Variants in SYT1 observed in about 807,000 individuals in gnomAD.
The protein encoded by SYT1 is synaptotagmin-1.
Under a neutral mutation model 44.8 loss-of-function variants are expected in SYT1, and 8 were observed. The observed-to-expected ratio is 0.18, with a 90% CI of 0.10 to 0.32. SYT1 has a LOEUF of 0.32. Ranked by LOEUF, SYT1 falls within the 10% of genes least tolerant of loss-of-function variation. The probability of loss-of-function intolerance (pLI) is 1.00; values close to 1 mark genes in which losing one functional copy is unlikely to be tolerated. For synonymous variants in SYT1, 154 were observed against 188.8 expected, an observed-to-expected ratio of 0.82 and a Z score of 1.51; for missense variants, 286 against 509.3, an observed-to-expected ratio of 0.56 and a Z score of 4.22.
chr12:79,442,897 T>A (rs1292241881), intron 9 of SYT1, among the ~76,000 whole-genome samples: 1 of 151,656 alleles, frequency 6.6e-6, no homozygotes, highest in African/African-American at 2.4e-5. Context: ...AGATTTAAAT[T>A]TTTTTTTCTT....
At chr12:78,906,962 T>C (rs996582481) in intron 1 of SYT1, among the ~76,000 whole-genome samples, 1 of 152,152 alleles carries the variant, frequency 6.6e-6, no homozygotes, top group African/African-American at 2.4e-5. Context: ...TAATAATACC[T>C]ACTGCTATAA....
chr12:79,245,680 C>T (rs1245815), intron 4 of SYT1, among the ~76,000 whole-genome samples: 105,369 of 151,170 alleles, frequency 0.7, 37,094 homozygotes, highest in African/African-American at 0.75. Flanking sequence ...GGGAGCAACT[C>T]AGGGGAAATC....
intron 4 of SYT1, among the ~76,000 whole-genome samples, chr12:79,242,691 T>G (rs1876583260): frequency 6.6e-6 from 1 of 152,200 alleles, no homozygotes. Context: ...GATTCAAAAC[T>G]TAGCCAAAAC....
intron 9 of SYT1, among the ~76,000 whole-genome samples, chr12:79,363,779 C>T (rs1462083861): frequency 6.6e-6 from 1 of 151,592 alleles, no homozygotes; most frequent in East Asian, 1.9e-4. Flanking sequence ...CTTCTGCTTC[C>T]AAAAGTATAT....
intron 4 of SYT1, among the ~76,000 whole-genome samples, chr12:79,249,120 C>A (rs1358117848): frequency 5.1e-4 from 6 of 11,678 alleles, no homozygotes; most frequent in South Asian, 3.1e-3. Context: ...TTTTTTGAGA[C>A]GGAGTCTCGC....
intron 2 of SYT1, among the ~76,000 whole-genome samples, chr12:79,036,800 G>A (rs935902080): frequency 1.3e-5 from 2 of 151,250 alleles, no homozygotes; most frequent in African/African-American, 2.4e-5. Context: ...TTCATATCAG[G>A]CTATTCTCTT....
In SYT1 at chr12:79,003,828, AT is replaced by A. The variant is rs200911357; in HGVS notation, c.-84+25906del. 3.1e-3 allele frequency among the ~76,000 whole-genome samples: 476 copies of A among 151,290 alleles called. 2 individuals are homozygous for A. The highest frequency in any genetic ancestry group is 0.011 in the African/African-American group (442 of 41,294). Reference sequence around the variant, plus strand: ...TAGGCTTTGAAGTCAGATTACAGTTATTTTTTTTTCCATCTGGCAGGTTTGA... The same window carrying A: ...TAGGCTTTGAAGTCAGATTACAGTTATTTTTTTTCCATCTGGCAGGTTTGA... On this transcript the variant is annotated intron_variant, in intron 2 of 10. Transcript: ENST00000261205.
At chr12:78,994,276 G>A (rs1284384748) in intron 2 of SYT1, among the ~76,000 whole-genome samples, 1 of 152,042 alleles carries the variant, frequency 6.6e-6, no homozygotes, top group Non-Finnish European at 1.5e-5. Flanking sequence ...CATTTCAATT[G>A]CACCAACCAC....
At chr12:79,192,986 G>A (rs922162824) in intron 3 of SYT1, among the ~76,000 whole-genome samples, 2 of 152,040 alleles carry the variant, frequency 1.3e-5, no homozygotes, top group Non-Finnish European at 2.9e-5. Flanking sequence ...CCTGAATTAA[G>A]GGCAGTTCCA....
intron 9 of SYT1, among the ~76,000 whole-genome samples, chr12:79,404,842 C>A (rs1885190805): frequency 6.6e-6 from 1 of 152,134 alleles, no homozygotes; most frequent in Non-Finnish European, 1.5e-5. Context: ...TGTCAAGGAG[C>A]ATATTTGACT....
At chr12:79,040,621 A>G (rs1873485263) in intron 2 of SYT1, among the ~76,000 whole-genome samples, 1 of 151,592 alleles carries the variant, frequency 6.6e-6, no homozygotes, top group African/African-American at 2.4e-5. Flanking sequence ...GAAGCTCTTT[A>G]GTTTAATTAG....
At position 79,339,500 on chromosome 12, in the gene SYT1, C is replaced by T. The variant is rs148015910; in HGVS notation, c.811-14002C>T. Among the ~76,000 whole-genome samples the T allele has an allele frequency of 7.4e-3, 1,130 of 152,252 alleles. 13 individuals are homozygous for T. The highest frequency in any genetic ancestry group is 0.025 in the African/African-American group (1,040 of 41,544). ...AAAGTATCTGTTCATATCCTTTGCC[C>T]ACGTTTTGATGGGGTCGTTTGATTT... On this transcript the variant is annotated intron_variant, in intron 8 of 10. Coordinates refer to ENST00000261205, the MANE Select transcript of SYT1 (RefSeq NM_005639.3).
chr12:79,392,458 G>A (rs979706761), intron 9 of SYT1: 5 of 152,026 alleles, frequency 3.3e-5, no homozygotes, highest in African/African-American at 9.7e-5. Flanking sequence ...AATTTACACC[G>A]GTTTACAGCA....
intron 1 of SYT1, among the ~76,000 whole-genome samples, chr12:78,931,405 GAGGAAGGAAGGA>G (rs149496899): frequency 8.7e-5 from 8 of 92,070 alleles, no homozygotes; most frequent in Admixed American, 4.6e-4. Flanking sequence ...AGGGAGGAGA[GAGGAAGGAAGGA>G]AGGAAGGAAG....
At position 78,890,783 on chromosome 12, in the gene SYT1, C is replaced by T. The variant is rs557501500; in HGVS notation, c.-217+25674C>T. ...TTATTTTCACTCCTCGCTATAACTGCATTTCTGTTACCTCCAATCTACAAT... is the reference window on the plus strand; with the variant it reads ...TTATTTTCACTCCTCGCTATAACTGTATTTCTGTTACCTCCAATCTACAAT... On this transcript the variant is annotated intron_variant, in intron 1 of 10. Transcript: ENST00000261205. Among the ~76,000 whole-genome samples, 7 of 151,982 alleles carry T rather than the reference C, an allele frequency of 4.6e-5. No homozygotes were observed. The South Asian group carries it at 1.5e-3, about 31-fold the overall frequency.
chr12:79,021,956 A>T (rs1872223155), intron 2 of SYT1, among the ~76,000 whole-genome samples: 1 of 151,578 alleles, frequency 6.6e-6, no homozygotes, highest in Admixed American at 6.6e-5. Flanking sequence ...CCATTCTGTA[A>T]GTTAGCTATA....
In SYT1 at chr12:79,064,798, A is replaced by G. The variant is rs115099379; in HGVS notation, c.-18+17436A>G. Among the ~76,000 whole-genome samples the G allele has an allele frequency of 3.8e-3, 562 of 149,080 alleles. 4 individuals carry two copies. The highest frequency in any genetic ancestry group is 0.013 in the African/African-American group (529 of 40,718). Reference sequence around the variant, plus strand: ...TAACAACTAACTATTCTGCACCCCAAACACACACACACACACATACACACA... The same window carrying G: ...TAACAACTAACTATTCTGCACCCCAGACACACACACACACACATACACACA... On this transcript the variant is annotated intron_variant, in intron 3 of 10. Transcript: ENST00000261205.
chr12:79,221,025 T>G (rs1350553837), intron 4 of SYT1, among the ~76,000 whole-genome samples: 3 of 152,106 alleles, frequency 2.0e-5, no homozygotes, highest in African/African-American at 7.2e-5. Context: ...AAATGGGGTG[T>G]TAAGTCATTA....
At chr12:79,139,354 G>A (rs563990995) in intron 3 of SYT1, among the ~76,000 whole-genome samples, 44 of 152,240 alleles carry the variant, frequency 2.9e-4, no homozygotes, top group South Asian at 2.5e-3. Flanking sequence ...GGCTATAGAT[G>A]AGCACTGTCT....
Sources: allele counts gnomAD v4.1 joint callset (sites outside exome capture counted in the v4.1 genomes callset), GRCh38; gene constraint gnomAD v4.1.1; transcripts MANE v1.5; gene names NCBI Gene and HGNC (gene_info 2026-07-23, HGNC 2026-07-21).